KCND2: variants seen among roughly 807,000 people sequenced by gnomAD.
KCND2 encodes A-type voltage-gated potassium channel KCND2.
A neutral mutation model predicts 54.4 loss-of-function variants in KCND2; 16 were observed. The observed-to-expected ratio is 0.29, with a 90% confidence interval of 0.20 to 0.45. The LOEUF (loss-of-function observed/expected upper bound fraction) is 0.45. KCND2 is among the 20% of genes least tolerant of loss of function. KCND2 has a pLI of 1.00. For missense variants in KCND2, 486 were observed against 824.2 expected, an observed-to-expected ratio of 0.59 and a Z score of 5.02; for synonymous variants, 317 against 310.7, an observed-to-expected ratio of 1.02 and a Z score of -0.21.
At chr7:120,584,158 T>C (rs1323907219) in intron 1 of KCND2, among the ~76,000 whole-genome samples, 1 of 152,240 alleles carries the variant, frequency 6.6e-6, no homozygotes, top group Admixed American at 6.5e-5. Flanking sequence ...TGTAATAATA[T>C]AAATATGCTT....
intron 1 of KCND2, among the ~76,000 whole-genome samples, chr7:120,563,809 T>C (rs188056102): frequency 2.0e-5 from 3 of 152,124 alleles, no homozygotes; most frequent in Non-Finnish European, 4.4e-5. Flanking sequence ...CTACTCTTCT[T>C]TCATTTGCCC....
chr7:120,302,673 A>G (rs892912615), intron 1 of KCND2, among the ~76,000 whole-genome samples: 4 of 152,210 alleles, frequency 2.6e-5, no homozygotes, highest in Non-Finnish European at 4.4e-5. Flanking sequence ...TATACAAACA[A>G]CTTATTTATT....
At chr7:120,356,386 T>C (rs1037463892) in intron 1 of KCND2, among the ~76,000 whole-genome samples, 4 of 152,114 alleles carry the variant, frequency 2.6e-5, no homozygotes, top group Non-Finnish European at 5.9e-5. Context: ...TAATAGCAAA[T>C]GTTAGGTTCT....
rs146753461 is a variant in KCND2, at chr7:120,481,538, G to A, written c.1115+205791G>A. On this transcript the variant is annotated intron_variant, in intron 1 of 5. Transcript: ENST00000331113. ...ATTAAGACAGTGAGAGAAAGACACT[G>A]AAGGCATTTTGGAGATCTTCTAGGC... is the stretch of plus-strand genomic sequence containing the variant. 2.1e-3 allele frequency among the ~76,000 whole-genome samples: 327 copies of A among 152,286 alleles called. 3 individuals carry two copies. The highest frequency in any genetic ancestry group is 7.6e-3 in the African/African-American group (316 of 41,556).
chr7:120,621,987 T>G (rs568242826), intron 1 of KCND2, among the ~76,000 whole-genome samples: 39 of 150,564 alleles, frequency 2.6e-4, no homozygotes, highest in Non-Finnish European at 4.3e-4. Context: ...GTTGTTTTGG[T>G]TTTTTTTTAA....
intron 1 of KCND2, among the ~76,000 whole-genome samples, chr7:120,438,878 A>G (rs1801908964): frequency 6.6e-6 from 1 of 152,104 alleles, no homozygotes; most frequent in Admixed American, 6.5e-5. Context: ...ATCATGTTAT[A>G]TTATTTTAAG....
intron 1 of KCND2, among the ~76,000 whole-genome samples, chr7:120,417,409 T>G (rs1033229998): frequency 1.3e-5 from 2 of 152,108 alleles, no homozygotes; most frequent in African/African-American, 4.8e-5. Flanking sequence ...AGCTTTTCAT[T>G]TTTTCAGATG....
chr7:120,587,530 A>ATT (rs550527921), intron 1 of KCND2, among the ~76,000 whole-genome samples: 12 of 150,502 alleles, frequency 8.0e-5, no homozygotes, highest in Non-Finnish European at 1.8e-4. Context: ...GACTTACAGG[A>ATT]TTTTTTTTTT....
Position 120,275,419 on chromosome 7 carries a change from A to T in KCND2, c.787A>T (p.Ser263Cys). Residue 263 changes from serine (S) to cysteine (C), a missense_variant, in exon 1 of 6, where the codon AGT becomes TGT. Around this residue, in one of 7 missense-constraint regions of KCND2, gnomAD observed 231 missense variants for 386.0 expected, o/e 0.60. Transcript: ENST00000331113. ...SRYRFVRSVM[S>C]IIDVVAILPY... ...TTACCGTTTTGTGCGTAGTGTCATG[A>T]GTATCATCGACGTGGTGGCCATCCT... The T allele has an allele frequency of 6.2e-7, 1 of 1,613,696 alleles. No individual in the cohort carries two copies. Among genetic ancestry groups the T allele is most frequent in the Non-Finnish European group, 8.5e-7 (1 of 1,179,960 alleles).
chr7:120,419,457 T>TA (rs1801576901), intron 1 of KCND2, among the ~76,000 whole-genome samples: 1 of 152,236 alleles, frequency 6.6e-6, no homozygotes, highest in Admixed American at 6.5e-5. Flanking sequence ...GGCAATGTGT[T>TA]ACAAGTCTTT....
chr7:120,681,264 C>T (rs41474345), intron 1 of KCND2, among the ~76,000 whole-genome samples: 20,260 of 151,930 alleles, frequency 0.13, 1,826 homozygotes, highest in East Asian at 0.42. Flanking sequence ...AGTGTCTCAA[C>T]TTCCTTTTCA....
intron 1 of KCND2, among the ~76,000 whole-genome samples, chr7:120,446,036 C>A (rs1357621474): frequency 6.6e-6 from 1 of 152,114 alleles, no homozygotes; most frequent in Non-Finnish European, 1.5e-5. Flanking sequence ...AATCCATTAA[C>A]CTTTATCAAA....
At chr7:120,627,446 A>G (rs1004516502) in intron 1 of KCND2, among the ~76,000 whole-genome samples, 2 of 152,070 alleles carry the variant, frequency 1.3e-5, no homozygotes, top group Non-Finnish European at 2.9e-5. Flanking sequence ...GTTTCAATTA[A>G]TAATATGATT....
At chr7:120,747,528 A>G (rs1793021876) in intron 5 of KCND2, among the ~76,000 whole-genome samples, 153 bp from the exon 6 acceptor site, 1 of 152,138 alleles carries the variant, frequency 6.6e-6, no homozygotes, top group South Asian at 2.1e-4. Context: ...TCTTTAACAT[A>G]GATTAAGATT....
rs1793034410 is a variant in KCND2, at chr7:120,748,553, G to A, written c.*695G>A. On this transcript the variant is annotated 3_prime_UTR_variant, in exon 6 of 6. Coordinates refer to ENST00000331113, the MANE Select transcript of KCND2 (RefSeq NM_012281.3). Reference sequence around the variant, plus strand: ...AAATCTAAAGTGTTCAGATAGTTCAGTATTCATTATCGTTTAACTTTGCAC... The same window carrying A: ...AAATCTAAAGTGTTCAGATAGTTCAATATTCATTATCGTTTAACTTTGCAC... The A allele has an allele frequency of 6.6e-6, 1 of 152,476 alleles. No individual in the cohort carries two copies. The highest frequency in any genetic ancestry group is 2.4e-5 in the African/African-American group (1 of 41,540). The allele number at this position is 152,476 out of a possible 1,614,324, so 9.4% of individuals were successfully genotyped here.
intron 1 of KCND2, among the ~76,000 whole-genome samples, chr7:120,729,895 A>G (rs1301982901): frequency 6.6e-6 from 1 of 152,164 alleles, no homozygotes; most frequent in Non-Finnish European, 1.5e-5. Flanking sequence ...CTTTTACCTT[A>G]TGAATCCTTC....
intron 1 of KCND2, among the ~76,000 whole-genome samples, chr7:120,347,960 A>G (rs1199082429): frequency 1.3e-5 from 2 of 152,122 alleles, no homozygotes; most frequent in South Asian, 2.1e-4. Context: ...GCATCATCAC[A>G]TGGTGGAAAG....
At chr7:120,733,248 AT>A (rs1000469476) in intron 2 of KCND2, among the ~76,000 whole-genome samples, 183 bp downstream of exon 2, 1 of 152,126 alleles carries the variant, frequency 6.6e-6, no homozygotes, top group African/African-American at 2.4e-5. Flanking sequence ...AATAAGCAAT[AT>A]TTCTGAATCA....
chr7:120,673,508 C>T (rs761440314), intron 1 of KCND2, among the ~76,000 whole-genome samples: 14 of 152,050 alleles, frequency 9.2e-5, no homozygotes, highest in Non-Finnish European at 1.5e-4. Context: ...ACCAATGTTA[C>T]TTGTTTACCA....
Sources: gnomAD v4.1 joint callset for allele counts (sites outside exome capture counted in the v4.1 genomes callset) on GRCh38, gnomAD v4.1.1 for gene constraint, gnomAD v4.1.1 regional missense constraint, MANE v1.5 for transcripts, NCBI Gene and HGNC (gene_info 2026-07-23, HGNC 2026-07-21) for gene names.